HESX1: variants seen among roughly 807,000 people sequenced by gnomAD.
HESX1 encodes the protein HESX homeobox 1.
A neutral mutation model predicts 22.5 loss-of-function variants in HESX1; 11 were observed. The observed-to-expected ratio is 0.49, with a 90% CI of 0.31 to 0.81. The LOEUF is 0.81. Among genes scored for constraint, HESX1 ranks in the 30% least tolerant of loss-of-function variants. HESX1 has a pLI of 0.05. For synonymous variants in HESX1, 74 were observed against 76.5 expected (o/e 0.97, Z 0.17); for missense variants, 201 against 212.6 (o/e 0.95, Z 0.34).
chr3:57,218,423 A>C (rs994879558), intron 1 of HESX1, among the ~76,000 whole-genome samples: 2 of 150,442 alleles, frequency 1.3e-5, no homozygotes. Context: ...ATGTTTGGAA[A>C]GGACATGATC....
In HESX1 at chr3:57,225,334, GTTTTA is replaced by G. The variant is rs544758867; in HGVS notation, c.-111+957_-111+961del. On this transcript the variant is annotated intron_variant, in intron 1 of 2. Coordinates refer to the HESX1 transcript ENST00000495160. Reference sequence around the variant, plus strand: ...ACTGAATGTGAACCTGTTTTTGTTTGTTTTATTTTTTCATTTTTATTTATTTTTTG... The same window carrying G: ...ACTGAATGTGAACCTGTTTTTGTTTGTTTTTTCATTTTTATTTATTTTTTG... 9.2e-5 allele frequency among the ~76,000 whole-genome samples: 14 copies of G among 152,162 alleles called. No individual in the cohort carries two copies. The East Asian group carries it at 2.7e-3, about 29-fold the overall frequency.
intron 1 of HESX1, among the ~76,000 whole-genome samples, chr3:57,205,533 T>C (rs1296831362): frequency 1.3e-5 from 2 of 152,192 alleles, no homozygotes; most frequent in Admixed American, 1.3e-4. Flanking sequence ...CTCCCTCCCA[T>C]GTTCACTGTG....
At chr3:57,211,548 A>AAAAAAAAAAAAC (rs2060554117) in intron 1 of HESX1, among the ~76,000 whole-genome samples, 2 of 147,666 alleles carry the variant, frequency 1.4e-5, no homozygotes, top group African/African-American at 2.5e-5. Context: ...AAAAAAAAAA[A>AAAAAAAAAAAAC]AAAGCCAGGC....
At chr3:57,207,075 GTAAC>G (rs2060523849) in intron 1 of HESX1, among the ~76,000 whole-genome samples, 1 of 152,102 alleles carries the variant, frequency 6.6e-6, no homozygotes, top group East Asian at 1.9e-4. Flanking sequence ...AACCTCCTGA[GTAAC>G]TGGGATTACA....
upstream of HESX1, among the ~76,000 whole-genome samples, chr3:57,200,430 T>C (rs1361334719): frequency 6.6e-6 from 1 of 152,214 alleles, no homozygotes; most frequent in Non-Finnish European, 1.5e-5. Flanking sequence ...TAATAATCTC[T>C]TAATGCTATT....
chr3:57,199,907 G>A lies in HESX1; in HGVS notation c.12C>T (p.Ser4=), dbSNP rs1416299827. Residue 4 remains serine, a synonymous_variant, in exon 1 of 4, where the codon AGC becomes AGT. Coordinates refer to ENST00000295934, the MANE Select transcript of HESX1 (RefSeq NM_003865.3). ...CCCCGAGCTGAGCGCCTTCCTGAAG[G>A]CTGGGAGACATCCTCTCGTGGTCTG... MSP[S]LQEGAQLGEN... The A allele has an allele frequency of 1.2e-6, 2 of 1,613,908 alleles. No homozygotes were observed. Among genetic ancestry groups the A allele is most frequent in the South Asian group, 2.2e-5 (2 of 91,062 alleles).
chr3:57,219,673 G>A (rs917945096), intron 1 of HESX1, among the ~76,000 whole-genome samples: 23 of 152,180 alleles, frequency 1.5e-4, no homozygotes, highest in African/African-American at 5.5e-4. Context: ...GGCCTCCTTT[G>A]CCCACTTTTT....
Position 57,199,971 on chromosome 3 carries a change from A to G in HESX1, c.-53T>C. 6.5e-7 allele frequency: 1 copy of G among 1,544,628 alleles called. No individual in the cohort carries two copies. Among genetic ancestry groups the G allele is most frequent in the Non-Finnish European group, 8.9e-7 (1 of 1,117,908 alleles). ...CTCTGGCCTCTGCTGGCTCTGCCCC[A>G]CGTGTATAGGGCTGGGATCTTCCTG... is the stretch of plus-strand genomic sequence containing the variant. On this transcript the variant is annotated 5_prime_UTR_variant, in exon 1 of 4. Transcript: ENST00000295934.
At chr3:57,223,858 G>A (rs1383742204) in intron 1 of HESX1, among the ~76,000 whole-genome samples, 1 of 152,136 alleles carries the variant, frequency 6.6e-6, no homozygotes, top group African/African-American at 2.4e-5. Context: ...CAGAATTTTA[G>A]ATTGATGGAG....
upstream of HESX1, among the ~76,000 whole-genome samples, chr3:57,204,116 C>T (rs1446453047): frequency 1.3e-5 from 2 of 152,224 alleles, no homozygotes; most frequent in East Asian, 3.8e-4. Context: ...CAAATACCAA[C>T]TGACCTGCAG....
chr3:57,206,865 G>A (rs1050635255), intron 1 of HESX1, among the ~76,000 whole-genome samples: 1 of 152,214 alleles, frequency 6.6e-6, no homozygotes, highest in Non-Finnish European at 1.5e-5. Context: ...GCCACCTCAT[G>A]AGGGAAAGCC....
chr3:57,218,070 G>C (rs1184159005), intron 1 of HESX1, among the ~76,000 whole-genome samples: 1 of 152,156 alleles, frequency 6.6e-6, no homozygotes. Context: ...TTCAGACAGG[G>C]AAGAGGAAAA....
intron 1 of HESX1, among the ~76,000 whole-genome samples, chr3:57,224,023 C>T (rs987760057): frequency 1.3e-5 from 2 of 152,108 alleles, no homozygotes; most frequent in Non-Finnish European, 2.9e-5. Context: ...GACTGAGTCT[C>T]GCTTTGTCAC....
At chr3:57,206,204 C>CA (rs2060518673) in intron 1 of HESX1, among the ~76,000 whole-genome samples, 1 of 151,530 alleles carries the variant, frequency 6.6e-6, no homozygotes, top group Non-Finnish European at 1.5e-5. Context: ...AAAACAAAAA[C>CA]AAAACAAAAC....
upstream of HESX1, among the ~76,000 whole-genome samples, chr3:57,227,582 T>A (rs1192772150): frequency 6.6e-6 from 1 of 152,154 alleles, no homozygotes; most frequent in Non-Finnish European, 1.5e-5. Flanking sequence ...CACTGCCACC[T>A]CCGCCGCTTC....
chr3:57,201,995 G>A (rs1311447310), upstream of HESX1, among the ~76,000 whole-genome samples: 2 of 148,096 alleles, frequency 1.4e-5, 1 homozygote, highest in South Asian at 4.3e-4. Flanking sequence ...CTCGGCTCAC[G>A]GCAAGCTCCG....
intron 1 of HESX1, among the ~76,000 whole-genome samples, chr3:57,211,549 A>AAAAAAAAAAAC (rs1250966283): frequency 2.0e-5 from 3 of 147,200 alleles, no homozygotes; most frequent in East Asian, 2.0e-4. Context: ...AAAAAAAAAA[A>AAAAAAAAAAAC]AAGCCAGGCA....
At chr3:57,199,570 GA>G in intron 1 of HESX1, among the ~76,000 whole-genome samples, 191 bp downstream of exon 1, 1 of 150,420 alleles carries the variant, frequency 6.6e-6, no homozygotes, top group East Asian at 1.9e-4. Flanking sequence ...AGTGAGCCAA[GA>G]TTATGCCATT....
At chr3:57,218,786 A>G (rs1409229344) in intron 1 of HESX1, among the ~76,000 whole-genome samples, 1 of 152,106 alleles carries the variant, frequency 6.6e-6, no homozygotes, top group African/African-American at 2.4e-5. Context: ...TGTGGTGTAT[A>G]TGTACCAAAT....
Sources: gnomAD v4.1 joint callset for allele counts (sites outside exome capture counted in the v4.1 genomes callset) on GRCh38, gnomAD v4.1.1 for gene constraint, MANE v1.5 for transcripts, NCBI Gene and HGNC (gene_info 2026-07-23, HGNC 2026-07-21) for gene names.